The following SMAP1 variants were observed in gnomAD, a reference collection of about 807,000 sequenced individuals.
SMAP1 encodes small ArfGAP 1.
A neutral mutation model predicts 58.5 loss-of-function variants in SMAP1; 24 were observed. That is an observed-to-expected ratio of 0.41 (90% confidence interval 0.30 to 0.58). The LOEUF (loss-of-function observed/expected upper bound fraction) is 0.58. SMAP1 is among the 20% of genes least tolerant of loss of function. The pLI is 0.29. For synonymous variants in SMAP1, 216 were observed against 196.6 expected (o/e 1.10, Z -0.82); for missense variants, 563 against 566.3 (o/e 0.99, Z 0.06).
intron 1 of SMAP1, among the ~76,000 whole-genome samples, chr6:70,674,278 A>G (rs1766389500): frequency 6.6e-6 from 1 of 151,790 alleles, no homozygotes; most frequent in South Asian, 2.1e-4. Context: ...ATGCCTACCT[A>G]ATTTTTGTAT....
At chr6:70,776,089 A>T (rs1010062057) in intron 4 of SMAP1, among the ~76,000 whole-genome samples, 2 of 152,238 alleles carry the variant, frequency 1.3e-5, no homozygotes, top group Admixed American at 1.3e-4. Flanking sequence ...ACAGGAACAG[A>T]TTTAAAAAAA....
chr6:70,842,847 A>G (rs1233997899), intron 7 of SMAP1, among the ~76,000 whole-genome samples: 2 of 152,158 alleles, frequency 1.3e-5, no homozygotes, highest in East Asian at 1.9e-4. Flanking sequence ...AAGGTGCAGC[A>G]TCCTATCCTC....
At chr6:70,746,499 G>C (rs1352007127) in intron 2 of SMAP1, among the ~76,000 whole-genome samples, 1 of 152,200 alleles carries the variant, frequency 6.6e-6, no homozygotes, top group Non-Finnish European at 1.5e-5. Context: ...TGTTGAACCA[G>C]CCTTGCATCC....
At chr6:70,835,689 TAG>T (rs1301138998) in intron 6 of SMAP1, among the ~76,000 whole-genome samples, 1 of 152,090 alleles carries the variant, frequency 6.6e-6, no homozygotes. Context: ...TCATTTTTTG[TAG>T]AGACAGACTC....
rs1405889567 is a variant in SMAP1 at position 70,861,918 on chromosome 6, C to G, written c.*1584C>G. ...AGATTCTTGCATCCCTGGCTGGGAT[C>G]CACGACGCTTAAATACAGCTTTTGG... On this transcript the variant is annotated 3_prime_UTR_variant, in exon 11 of 11. Transcript: ENST00000370455. 12 of 1,613,616 alleles carry G rather than the reference C, an allele frequency of 7.4e-6. No individual in the cohort carries two copies. The highest frequency in any genetic ancestry group is 1.0e-5 in the Non-Finnish European group (12 of 1,179,842).
intron 4 of SMAP1, among the ~76,000 whole-genome samples, chr6:70,781,584 G>T (rs990992569): frequency 6.6e-6 from 1 of 152,148 alleles, no homozygotes; most frequent in Non-Finnish European, 1.5e-5. Context: ...GAGATTGGAG[G>T]AATCCATTGC....
chr6:70,672,417 T>A (rs1262394323), intron 1 of SMAP1, among the ~76,000 whole-genome samples: 1 of 152,230 alleles, frequency 6.6e-6, no homozygotes, highest in Admixed American at 6.5e-5. Flanking sequence ...TGCTTAAATG[T>A]CTTTTCAAGG....
At chr6:70,733,628 A>T (rs1765510491) in intron 2 of SMAP1, among the ~76,000 whole-genome samples, 10 of 152,150 alleles carry the variant, frequency 6.6e-5, no homozygotes, top group Admixed American at 6.6e-4. Flanking sequence ...CTCCCATGTC[A>T]GCCTTCCAAG....
intron 1 of SMAP1, among the ~76,000 whole-genome samples, chr6:70,722,238 T>G: frequency 6.6e-6 from 1 of 152,196 alleles, no homozygotes; most frequent in East Asian, 1.9e-4. Context: ...TGTTAATATA[T>G]TTGCCTGCCC....
intron 6 of SMAP1, among the ~76,000 whole-genome samples, chr6:70,810,207 G>A (rs947406256): frequency 1.3e-5 from 2 of 151,828 alleles, no homozygotes; most frequent in African/African-American, 4.8e-5. Context: ...CTTTCTGTGG[G>A]GCTCAGGCAT....
chr6:70,738,545 A>C (rs1765703115), intron 2 of SMAP1, among the ~76,000 whole-genome samples: 1 of 151,498 alleles, frequency 6.6e-6, no homozygotes, highest in Admixed American at 6.6e-5. Context: ...GTAGTCTTTA[A>C]CTTAACTTAG....
chr6:70,812,436 CA>C (rs1769431818), intron 6 of SMAP1, among the ~76,000 whole-genome samples: 1 of 152,168 alleles, frequency 6.6e-6, no homozygotes, highest in African/African-American at 2.4e-5. Flanking sequence ...TTTGATTAGA[CA>C]TGTAGTCTTG....
intron 1 of SMAP1, among the ~76,000 whole-genome samples, chr6:70,669,821 A>G (rs1423355654): frequency 6.6e-6 from 1 of 152,256 alleles, no homozygotes; most frequent in Non-Finnish European, 1.5e-5. Context: ...TCCTTCATCT[A>G]CAGACTTTAT....
chr6:70,860,266 T>A lies in SMAP1; in HGVS notation c.1336T>A (p.Ser446Thr), dbSNP rs1344876442. The A allele has an allele frequency of 1.9e-6, 3 of 1,613,676 alleles. No homozygotes were observed. The highest frequency in any genetic ancestry group is 2.5e-6 in the Non-Finnish European group (3 of 1,179,860). ...CCCTACTGCAGGTTTTGGCCAGCCC[T>A]CCAGCACAACAGCAGGATGGTCTGG... ...ATPTAGFGQP[S>T]STTAGWSGSS... Residue 446 changes from serine to threonine, a missense_variant, in exon 11 of 11, where the codon TCC becomes ACC. Ser to Thr is a moderately conservative substitution (Grantham distance 58, BLOSUM62 1). This residue lies in a region of SMAP1 where 494 missense variants were observed against 473.8 expected (regional missense o/e 1.04). Transcript: ENST00000370455.
chr6:70,730,508 C>G (rs1562120118), intron 1 of SMAP1, among the ~76,000 whole-genome samples: 1 of 152,202 alleles, frequency 6.6e-6, no homozygotes, highest in Non-Finnish European at 1.5e-5. Flanking sequence ...AATGATGAGA[C>G]AGAGTGGAAA....
intron 3 of SMAP1, among the ~76,000 whole-genome samples, chr6:70,759,549 G>A (rs931788216): frequency 9.2e-5 from 14 of 152,010 alleles, no homozygotes; most frequent in Admixed American, 3.9e-4. Context: ...AGGATATTGA[G>A]GGCAGGACAG....
chr6:70,783,674 A>T (rs2149928860), intron 4 of SMAP1, among the ~76,000 whole-genome samples: 1 of 152,352 alleles, frequency 6.6e-6, no homozygotes, highest in East Asian at 1.9e-4. Context: ...TCAGGAGCCG[A>T]TGCGATCAAC....
At chr6:70,685,285 C>CT (rs367665070) in intron 1 of SMAP1, among the ~76,000 whole-genome samples, 93,264 of 146,490 alleles carry the variant, frequency 0.64, 30,117 homozygotes, top group African/African-American at 0.8. Context: ...GTAGTTAATA[C>CT]TTTTTTTTTT....
intron 1 of SMAP1, among the ~76,000 whole-genome samples, chr6:70,723,565 A>G (rs1562115434): frequency 6.6e-6 from 1 of 152,080 alleles, no homozygotes; most frequent in Non-Finnish European, 1.5e-5. Flanking sequence ...TGTACTCCCT[A>G]TCCATTTTCT....
Sources: allele counts gnomAD v4.1 joint callset (sites outside exome capture counted in the v4.1 genomes callset), GRCh38; gene constraint gnomAD v4.1.1; regional missense constraint gnomAD v4.1.1; transcripts MANE v1.5; gene names NCBI Gene and HGNC (gene_info 2026-07-23, HGNC 2026-07-21).